The following NRG1 variants were observed in gnomAD, a reference collection of about 807,000 sequenced individuals.
The protein encoded by NRG1 is neuregulin 1.
In NRG1, 18 loss-of-function variants were observed where a neutral mutation model predicts 63.8. The ratio of observed to expected loss-of-function variants is 0.28; its 90% CI spans 0.19 to 0.42. The LOEUF is 0.42. NRG1 is among the 10% of genes least tolerant of loss of function. NRG1 has a pLI of 1.00. For missense variants in NRG1, 762 were observed against 814.7 expected, an observed-to-expected ratio of 0.94 and a Z score of 0.79; for synonymous variants, 302 against 301.3, an observed-to-expected ratio of 1.00 and a Z score of -0.02.
chr8:32,752,111 T>C (rs1288076846), intron 7 of NRG1, among the ~76,000 whole-genome samples: 1 of 152,136 alleles, frequency 6.6e-6, no homozygotes, highest in Non-Finnish European at 1.5e-5. Flanking sequence ...CCTTCATCTC[T>C]TGTCAATAAT....
At chr8:31,759,170 T>A (rs1294626102) in intron 1 of NRG1, among the ~76,000 whole-genome samples, 1 of 152,168 alleles carries the variant, frequency 6.6e-6, no homozygotes, top group African/African-American at 2.4e-5. Flanking sequence ...ATTGTGAATA[T>A]TCTCTCCCAG....
At chr8:32,286,856 G>A (rs558810124) in intron 1 of NRG1, among the ~76,000 whole-genome samples, 1 of 152,118 alleles carries the variant, frequency 6.6e-6, no homozygotes, top group Admixed American at 6.6e-5. Context: ...AATTAGTTGG[G>A]CATGGTGGCG....
At chr8:32,030,917 G>A (rs557768878) in intron 1 of NRG1, among the ~76,000 whole-genome samples, 5 of 152,230 alleles carry the variant, frequency 3.3e-5, no homozygotes, top group African/African-American at 1.2e-4. Context: ...TAAACAGCCA[G>A]CATATAATAC....
intron 1 of NRG1, among the ~76,000 whole-genome samples, chr8:32,417,321 A>C (rs1192235016): frequency 1.3e-5 from 2 of 152,132 alleles, no homozygotes; most frequent in Non-Finnish European, 2.9e-5. Flanking sequence ...CCCTTGAGTA[A>C]TTGTCAGTGG....
chr8:32,183,878 A>G (rs1470588916), intron 1 of NRG1, among the ~76,000 whole-genome samples: 1 of 152,188 alleles, frequency 6.6e-6, no homozygotes, highest in African/African-American at 2.4e-5. Context: ...CTCCTGATAC[A>G]GGAAGAAGCC....
intron 1 of NRG1, among the ~76,000 whole-genome samples, chr8:31,667,640 C>T (rs1563272897): frequency 6.6e-6 from 1 of 152,124 alleles, no homozygotes; most frequent in South Asian, 2.1e-4. Flanking sequence ...GGTGAGGCTG[C>T]AGAAGGCCCC....
chr8:32,037,195 G>T (rs1344990697), intron 1 of NRG1, among the ~76,000 whole-genome samples: 1 of 152,146 alleles, frequency 6.6e-6, no homozygotes, highest in East Asian at 1.9e-4. Flanking sequence ...TTCTTACATA[G>T]GGCTGCAGCC....
At chr8:32,593,215 G>A (rs1432664605) in intron 1 of NRG1, among the ~76,000 whole-genome samples, 2 of 152,096 alleles carry the variant, frequency 1.3e-5, no homozygotes, top group Admixed American at 6.6e-5. Context: ...GGAAGTTCTG[G>A]TGTGTTCCCA....
chr8:32,533,512 C>T (rs968842528), intron 1 of NRG1, among the ~76,000 whole-genome samples: 16 of 151,998 alleles, frequency 1.1e-4, no homozygotes, highest in Admixed American at 2.6e-4. Flanking sequence ...TCACAGAACA[C>T]GCTGTTTTAG....
At chr8:32,596,087 A>T (rs1326893023) in intron 2 of NRG1, 82 bp downstream of exon 2, 2 of 1,080,662 alleles carry the variant, frequency 1.9e-6, no homozygotes, top group Non-Finnish European at 2.6e-6. Context: ...TAATAAGTGA[A>T]TTTACTATCA....
At chr8:31,676,077 G>A (rs1196178534) in intron 1 of NRG1, among the ~76,000 whole-genome samples, 2 of 152,042 alleles carry the variant, frequency 1.3e-5, no homozygotes, top group Admixed American at 1.3e-4. Flanking sequence ...TCCATCTCAA[G>A]CTTCCATTTC....
intron 1 of NRG1, among the ~76,000 whole-genome samples, chr8:32,405,663 A>G (rs552060365): frequency 1.5e-3 from 221 of 152,300 alleles, no homozygotes; most frequent in Non-Finnish European, 2.5e-3. Flanking sequence ...ATTATTGCCT[A>G]TGATAATCAG....
intron 3 of NRG1, among the ~76,000 whole-genome samples, chr8:32,612,111 C>G (rs1332302480): frequency 2.0e-5 from 3 of 152,020 alleles, no homozygotes; most frequent in Non-Finnish European, 4.4e-5. Context: ...TTAATTTGCA[C>G]TAATGAAGGG....
chr8:32,727,918 T>C (rs200506528), intron 5 of NRG1, 31 bp from the exon 6 acceptor site: 282 of 1,611,108 alleles, frequency 1.8e-4, no homozygotes, highest in Non-Finnish European at 2.3e-4. Flanking sequence ...AAAAAGTCCA[T>C]GTTAACCTTT....
chr8:32,718,119 C>T (rs1420807137), intron 5 of NRG1, among the ~76,000 whole-genome samples: 1 of 152,180 alleles, frequency 6.6e-6, no homozygotes, highest in African/African-American at 2.4e-5. Flanking sequence ...ACAGTGACAG[C>T]TTTACCTGTA....
At chr8:32,232,618 G>A (rs112416081) in intron 1 of NRG1, among the ~76,000 whole-genome samples, 2 of 152,230 alleles carry the variant, frequency 1.3e-5, no homozygotes, top group African/African-American at 4.8e-5. Context: ...AGGTGAATTA[G>A]CAAACATTCT....
chr8:32,634,142 G>T (rs578105738), intron 5 of NRG1, among the ~76,000 whole-genome samples: 2 of 133,346 alleles, frequency 1.5e-5, no homozygotes, highest in African/African-American at 6.1e-5. Context: ...AGCAGAGACA[G>T]GATCAACCTA....
At chr8:32,705,611 G>A (rs1472993707) in intron 5 of NRG1, among the ~76,000 whole-genome samples, 1 of 152,144 alleles carries the variant, frequency 6.6e-6, no homozygotes, top group Non-Finnish European at 1.5e-5. Flanking sequence ...AGTGAACAAG[G>A]TACTAGTTGA....
At chr8:31,886,748 C>A (rs1177484554) in intron 1 of NRG1, among the ~76,000 whole-genome samples, 5 of 152,000 alleles carry the variant, frequency 3.3e-5, no homozygotes, top group African/African-American at 4.8e-5. Context: ...ATCAATGATT[C>A]GAATGCATGC....
Sources: gnomAD v4.1 joint callset for allele counts (sites outside exome capture counted in the v4.1 genomes callset) on GRCh38, gnomAD v4.1.1 for gene constraint, MANE v1.5 for transcripts, NCBI Gene and HGNC (gene_info 2026-07-23, HGNC 2026-07-21) for gene names.